DLG2: variants seen among roughly 807,000 people sequenced by gnomAD.
The protein encoded by DLG2 is disks large homolog 2.
Under a neutral mutation model 132.5 loss-of-function variants are expected in DLG2, and 45 were observed. The observed-to-expected ratio is 0.34, with a 90% CI of 0.27 to 0.44. The LOEUF is 0.44. Ranked by LOEUF, DLG2 falls within the 20% of genes least tolerant of loss-of-function variation. DLG2 has a pLI of 1.00. For missense variants in DLG2, 1,045 were observed against 1,196.9 expected (o/e 0.87, Z 1.87); for synonymous variants, 424 against 419.6 (o/e 1.01, Z -0.13).
intron 11 of DLG2, among the ~76,000 whole-genome samples, chr11:84,018,453 G>T (rs1229021448): frequency 6.6e-6 from 1 of 151,820 alleles, no homozygotes; most frequent in African/African-American, 2.4e-5. Flanking sequence ...AGGATAAATG[G>T]CTCTTTGCAA....
chr11:84,355,013 C>A (rs142868167), intron 7 of DLG2, among the ~76,000 whole-genome samples: 44 of 152,174 alleles, frequency 2.9e-4, no homozygotes, highest in African/African-American at 9.4e-4. Context: ...CTCTCCTGAA[C>A]AAGGTAATGT....
chr11:84,470,903 T>C (rs2099106744), intron 7 of DLG2, among the ~76,000 whole-genome samples: 1 of 151,820 alleles, frequency 6.6e-6, no homozygotes, highest in Non-Finnish European at 1.5e-5. Flanking sequence ...TGTATTAATA[T>C]ATGTATTTTC....
intron 7 of DLG2, among the ~76,000 whole-genome samples, chr11:84,402,045 C>T (rs1013895718): frequency 6.6e-6 from 1 of 152,164 alleles, no homozygotes; most frequent in African/African-American, 2.4e-5. Context: ...TGAAATGCAG[C>T]CTTGTTTTTT....
chr11:85,323,973 T>C (rs1474107170), intron 3 of DLG2, among the ~76,000 whole-genome samples: 1 of 152,172 alleles, frequency 6.6e-6, no homozygotes, highest in Non-Finnish European at 1.5e-5. Flanking sequence ...CCCATGTAAG[T>C]GGATGGTAGT....
At chr11:83,921,279 T>C (rs1224785214) in intron 15 of DLG2, among the ~76,000 whole-genome samples, 1 of 152,182 alleles carries the variant, frequency 6.6e-6, no homozygotes, top group African/African-American at 2.4e-5. Flanking sequence ...ATTAGTACTA[T>C]ATGCCAGGTA....
At chr11:83,994,591 T>C (rs543117675) in intron 11 of DLG2, among the ~76,000 whole-genome samples, 3 of 152,258 alleles carry the variant, frequency 2.0e-5, no homozygotes, top group Admixed American at 6.5e-5. Flanking sequence ...TGGATCTTTT[T>C]TCCATAAGCA....
At chr11:85,445,904 T>C (rs185338805) in intron 3 of DLG2, among the ~76,000 whole-genome samples, 244 of 152,310 alleles carry the variant, frequency 1.6e-3, no homozygotes, top group African/African-American at 5.6e-3. Context: ...ACTCACACAT[T>C]GCTCTATATA....
chr11:85,198,093 A>T (rs2081195982), intron 4 of DLG2, among the ~76,000 whole-genome samples: 1 of 152,122 alleles, frequency 6.6e-6, no homozygotes, highest in Admixed American at 6.5e-5. Context: ...CACCTAAGAC[A>T]GTCTTTTATA....
chr11:83,947,342 ATTAACAT>A (rs1406102810), intron 14 of DLG2, among the ~76,000 whole-genome samples: 1 of 152,160 alleles, frequency 6.6e-6, no homozygotes, highest in Non-Finnish European at 1.5e-5. Context: ...ATTCTTCTTA[ATTAACAT>A]CAGTATATGT....
chr11:85,235,895 T>C (rs1595596177), intron 4 of DLG2, among the ~76,000 whole-genome samples: 1 of 151,876 alleles, frequency 6.6e-6, no homozygotes, highest in Non-Finnish European at 1.5e-5. Context: ...AGGGGTACTT[T>C]TGGAAGTCTC....
chr11:84,280,852 C>T (rs1350215668), intron 7 of DLG2, among the ~76,000 whole-genome samples: 1 of 150,592 alleles, frequency 6.6e-6, no homozygotes, highest in Admixed American at 6.6e-5. Context: ...AGGCGCCTGC[C>T]ACCATGCCCA....
At chr11:85,536,861 G>A (rs1375776856) in intron 3 of DLG2, among the ~76,000 whole-genome samples, 1 of 152,200 alleles carries the variant, frequency 6.6e-6, no homozygotes, top group Admixed American at 6.5e-5. Flanking sequence ...TCTGGGACGA[G>A]CTCCCTCTGG....
chr11:85,537,041 T>C (rs1168035212), intron 3 of DLG2, among the ~76,000 whole-genome samples: 1 of 152,182 alleles, frequency 6.6e-6, no homozygotes, highest in African/African-American at 2.4e-5. Context: ...GGTTTGTAAA[T>C]GCACAAATCA....
At chr11:85,009,291 A>G (rs940102359) in intron 6 of DLG2, among the ~76,000 whole-genome samples, 6 of 152,156 alleles carry the variant, frequency 3.9e-5, no homozygotes, top group Non-Finnish European at 7.4e-5. Context: ...AATAAAATTC[A>G]GTGATACCAA....
chr11:84,433,880 G>T (rs1177640564), intron 7 of DLG2, among the ~76,000 whole-genome samples: 1 of 152,138 alleles, frequency 6.6e-6, no homozygotes, highest in Non-Finnish European at 1.5e-5. Flanking sequence ...ACTTTGGGAG[G>T]CCAAGGTGGG....
chr11:84,162,751 A>G (rs986559413), intron 9 of DLG2, among the ~76,000 whole-genome samples: 3 of 152,182 alleles, frequency 2.0e-5, no homozygotes, highest in Non-Finnish European at 4.4e-5. Flanking sequence ...TCAATTGGAC[A>G]GGCAAAACTT....
intron 4 of DLG2, among the ~76,000 whole-genome samples, chr11:85,232,066 G>GT (rs2075331086): frequency 6.6e-6 from 1 of 151,732 alleles, no homozygotes; most frequent in Non-Finnish European, 1.5e-5. Context: ...CTTAGCAGCT[G>GT]TAAGAGCCAA....
rs561967737 is a variant in DLG2 at position 83,456,417 on chromosome 11, T to A, written c.*3401A>T. The A allele has an allele frequency of 2.0e-5, 3 of 152,844 alleles. No individual in the cohort carries two copies. The East Asian group carries it at 5.8e-4, about 30-fold the overall frequency. The allele number at this position is 152,844 out of a possible 1,614,324, so 9.5% of individuals were successfully genotyped here. ...TGTGTCATTAGTCCAGTGCATGGAC[T>A]TGCTGTCTGAATCAGCCATGAGCCC... On this transcript the variant is annotated 3_prime_UTR_variant, in exon 28 of 28. Coordinates refer to ENST00000376104, the MANE Select transcript of DLG2 (RefSeq NM_001142699.3).
intron 7 of DLG2, among the ~76,000 whole-genome samples, chr11:84,484,731 G>A (rs1433892306): frequency 1.3e-5 from 2 of 151,988 alleles, no homozygotes; most frequent in Admixed American, 1.3e-4. Flanking sequence ...GCTTGATCCT[G>A]GAGCTTGATA....
Sources: gnomAD v4.1 joint callset for allele counts (sites outside exome capture counted in the v4.1 genomes callset) on GRCh38, gnomAD v4.1.1 for gene constraint, MANE v1.5 for transcripts, NCBI Gene and HGNC (gene_info 2026-07-23, HGNC 2026-07-21) for gene names.